Variants in ARAP1 observed in about 807,000 individuals in gnomAD.
ARAP1 encodes ArfGAP with RhoGAP domain, ankyrin repeat and PH domain 1, also known as arf-GAP with Rho-GAP domain, ANK repeat and PH domain-containing protein 1.
ARAP1 carries 76 observed loss-of-function variants against 172.2 expected under a neutral mutation model. That is an observed-to-expected ratio of 0.44 (90% CI 0.37 to 0.53). ARAP1 has a LOEUF of 0.53. Among genes scored for constraint, ARAP1 ranks in the 20% least tolerant of loss-of-function variants. The pLI, the probability that ARAP1 is intolerant of heterozygous loss-of-function variation, is 0.00. For missense variants in ARAP1, 1,686 were observed against 1,977.5 expected, an observed-to-expected ratio of 0.85 and a Z score of 2.80; for synonymous variants, 804 against 803.3, an observed-to-expected ratio of 1.00 and a Z score of -0.01.
chr11:72,722,991 A>C (rs1857574992), intron 3 of ARAP1, among the ~76,000 whole-genome samples: 1 of 152,124 alleles, frequency 6.6e-6, no homozygotes. Flanking sequence ...GCTCCTCAGC[A>C]AGCACCCCAC....
intron 18 of ARAP1, 150 bp downstream of exon 18, chr11:72,698,855 C>A: frequency 1.2e-6 from 1 of 809,326 alleles, no homozygotes; most frequent in Non-Finnish European, 2.1e-6. Flanking sequence ...TTACAGTAGG[C>A]TCTTGGTGGG....
chr11:72,748,534 T>A (rs1266230730), intron 1 of ARAP1, among the ~76,000 whole-genome samples: 10 of 143,168 alleles, frequency 7.0e-5, no homozygotes, highest in South Asian at 2.2e-4. Context: ...AAAAAAAAAA[T>A]GATTTGTTAT....
chr11:72,695,682 C>T lies in ARAP1; in HGVS notation c.3420+36G>A, dbSNP rs1042487904. On this transcript the variant is annotated intron_variant, in intron 24 of 34. Transcript: ENST00000393609. The surrounding 1 kb of genome is among the most constrained non-coding windows in gnomAD (Gnocchi z 4.4). The stretch of plus-strand genomic sequence containing the variant: ...TGGTCACCGTCATCTGCAAGGATCA[C>T]CCCTGCCCTCCACTGCCCACTGGCC... 6.2e-6 allele frequency: 10 copies of T among 1,613,958 alleles called. No individual in the cohort carries two copies. Among genetic ancestry groups the T allele is most frequent in the African/African-American group, 5.3e-5 (4 of 74,942 alleles).
Position 72,702,967 on chromosome 11 carries a change from G to T in ARAP1, c.2105C>A (p.Ala702Asp), listed in dbSNP as rs1446120388. Residue 702 changes from alanine to aspartate, a missense_variant, in exon 15 of 35, where the codon GCT (alanine) becomes GAT (aspartate). Coordinates refer to ENST00000393609, the MANE Select transcript of ARAP1 (RefSeq NM_001040118.3). ...SGDPEAPTPL[A>D]LAEQAGQTLQ... ...CGTCTGCCCCGCCTGCTCTGCAAGA[G>T]CCAGGGGCGTGGGGGCCTCAGGGTC... is the stretch of plus-strand genomic sequence containing the variant. 1 of 1,573,926 alleles carries T rather than the reference G, an allele frequency of 6.4e-7. No individual in the cohort carries two copies. Among genetic ancestry groups the T allele is most frequent in the South Asian group, 1.2e-5 (1 of 86,064 alleles).
At chr11:72,718,242 G>A (rs1340962536) in intron 3 of ARAP1, among the ~76,000 whole-genome samples, 1 of 152,076 alleles carries the variant, frequency 6.6e-6, no homozygotes, top group East Asian at 1.9e-4. Context: ...CACAACATGT[G>A]GGAAAACCCC....
Position 72,693,919 on chromosome 11 carries a change from G to A in ARAP1, c.3695-114C>T. 1 of 781,046 alleles carries A rather than the reference G, an allele frequency of 1.3e-6. No homozygotes were observed. The highest frequency in any genetic ancestry group is 2.0e-6 in the Non-Finnish European group (1 of 496,794). The allele number at this position is 781,046 out of a possible 1,614,324, so 48.4% of individuals were successfully genotyped here. ...CCCTGTCCACTCCAACCATATGCAA[G>A]TGCCACGACACAAAACACCACCATC... On this transcript the variant is annotated intron_variant, in intron 27 of 34. Coordinates refer to ENST00000393609, the MANE Select transcript of ARAP1 (RefSeq NM_001040118.3). The surrounding 1 kb of genome is among the most constrained non-coding windows in gnomAD (Gnocchi z 4.6).
chr11:72,741,683 G>T lies in ARAP1; in HGVS notation c.-127-9086C>A, dbSNP rs1380699827. On this transcript the variant is annotated intron_variant, in intron 1 of 34. Transcript: ENST00000393609. This position sits in a 1 kb window ranked among gnomAD's most constrained non-coding sequence, Gnocchi z 4.5. Reference sequence around the variant, plus strand: ...GAAGAGACAGGGCTGACCGCAGCAGGGTGGGAGTGCACAGGGCTGACCACA... The same window carrying T: ...GAAGAGACAGGGCTGACCGCAGCAGTGTGGGAGTGCACAGGGCTGACCACA... Among the ~76,000 whole-genome samples the T allele has an allele frequency of 2.0e-5, 3 of 152,156 alleles. No homozygotes were observed. The highest frequency in any genetic ancestry group is 6.5e-5 in the Admixed American group (1 of 15,282).
At position 72,695,114 on chromosome 11, in the gene ARAP1, G is replaced by A; in HGVS notation, c.3577-17C>T. On this transcript the variant is annotated splice_polypyrimidine_tract_variant and intron_variant, in intron 26 of 34. Transcript: ENST00000393609. The surrounding 1 kb of genome is among the most constrained non-coding windows in gnomAD (Gnocchi z 4.4). Reference sequence around the variant, plus strand: ...TGCTGGGACCTGCAAGGACCAAGGAGGAGATTAGCCTGCCTGTGCCTAGCC... The same window carrying A: ...TGCTGGGACCTGCAAGGACCAAGGAAGAGATTAGCCTGCCTGTGCCTAGCC... The A allele has an allele frequency of 6.2e-7, 1 of 1,612,316 alleles. No homozygotes were observed.
chr11:72,749,754 C>T (rs949490412), intron 1 of ARAP1, among the ~76,000 whole-genome samples: 61 of 151,946 alleles, frequency 4.0e-4, no homozygotes, highest in African/African-American at 1.1e-3. Flanking sequence ...TGGTGGCGGG[C>T]GCCTGTAGTC....
chr11:72,709,022 G>GCCTAAGACTCTGTCTCAAAA (rs1385470501), intron 11 of ARAP1, among the ~76,000 whole-genome samples: 1 of 143,484 alleles, frequency 7.0e-6, no homozygotes, highest in African/African-American at 2.6e-5. Flanking sequence ...GGGAGACAGA[G>GCCTAAGACTCTGTCTCAAAA]CCTAAGACTC....
chr11:72,707,441 T>C, intron 11 of ARAP1, 67 bp from the exon 12 acceptor site: 1 of 1,446,978 alleles, frequency 6.9e-7, no homozygotes, highest in Non-Finnish European at 9.4e-7. Context: ...AGCATGAGGA[T>C]GCACAGAATG....
In ARAP1 at chr11:72,726,706, C is replaced by T. The variant is rs1857703113; in HGVS notation, c.423G>A (p.Leu141=). The T allele has an allele frequency of 5.2e-6, 8 of 1,545,524 alleles. No individual in the cohort carries two copies. In the East Asian group the frequency reaches 1.9e-4, roughly 38 times the overall value. Residue 141 remains leucine, a synonymous_variant, in exon 3 of 35, where the codon CTG becomes CTA. Coordinates refer to ENST00000393609, the MANE Select transcript of ARAP1 (RefSeq NM_001040118.3). This position sits in a 1 kb window ranked among gnomAD's most constrained non-coding sequence, Gnocchi z 6.5. Reference sequence around the variant, plus strand: ...AATGCCGCTTAGCAGGCAGCGGGGGCAGCACAGGGTCTGGGGCAGCTGTGG... The same window carrying T: ...AATGCCGCTTAGCAGGCAGCGGGGGTAGCACAGGGTCTGGGGCAGCTGTGG... ...TPSTAAPDPV[L]PPLPAKRHLA...
chr11:72,712,531 C>T lies in ARAP1; in HGVS notation c.785G>A (p.Arg262His), dbSNP rs748074025. The change falls in exon 6 of 35, where the codon CGC becomes CAC. Residue 262 changes from arginine to histidine, a missense_variant. Transcript: ENST00000393609. ...PPPSRVPRAV[R>H]VASLLSEGEE... ...TCCCTCGCTCAGCAGACTGGCCACG[C>T]GCACGGCCCGTGGGACTCGGCTCGG... The T allele has an allele frequency of 6.2e-6, 10 of 1,613,494 alleles. No homozygotes were observed. Among genetic ancestry groups the T allele is most frequent in the East Asian group, 2.2e-5 (1 of 44,874 alleles).
intron 3 of ARAP1, chr11:72,722,173 A>AG: frequency 3.1e-6 from 3 of 971,338 alleles, no homozygotes; most frequent in Non-Finnish European, 3.7e-6. Flanking sequence ...GAGAGAGAGA[A>AG]AGACAGAGGG....
At position 72,701,792 on chromosome 11, in the gene ARAP1, G is replaced by A. The variant is rs1856494959; in HGVS notation, c.2168-9C>T. ...GTCCAGCCGAGGCACCTCTTTGTAG[G>A]CGGGGAAAGGATGGCAGGTCATGCT... On this transcript the variant is annotated splice_polypyrimidine_tract_variant and intron_variant, in intron 15 of 34. Coordinates refer to ENST00000393609, the MANE Select transcript of ARAP1 (RefSeq NM_001040118.3). The A allele has an allele frequency of 1.2e-6, 2 of 1,612,610 alleles. No individual in the cohort carries two copies. Among genetic ancestry groups the A allele is most frequent in the Non-Finnish European group, 1.7e-6 (2 of 1,179,150 alleles).
At chr11:72,702,009 G>C (rs1374893040) in intron 15 of ARAP1, among the ~76,000 whole-genome samples, 2 of 152,162 alleles carry the variant, frequency 1.3e-5, no homozygotes, top group East Asian at 1.9e-4. Flanking sequence ...CCCAGTTCCA[G>C]CACCTCCCCT....
chr11:72,742,865 T>C (rs1164898108), intron 1 of ARAP1, among the ~76,000 whole-genome samples: 2 of 152,070 alleles, frequency 1.3e-5, no homozygotes, highest in African/African-American at 2.4e-5. Flanking sequence ...TCCCTCAGAG[T>C]AAAAGCCAAA....
Position 72,695,845 on chromosome 11 carries a change from G to C in ARAP1, c.3293C>G (p.Thr1098Arg). The stretch of plus-strand genomic sequence containing the variant: ...CAGGTTGTGCACGTTCATCTGGTTC[G>C]TGTCTGAGAAGCACTGAACACTGGA... ...HLYCVQCFSD[T>R]NQMNVHNLAI... The change falls in exon 24 of 35, where the codon ACG becomes AGG. Residue 1098 changes from threonine to arginine, a missense_variant. Physicochemically the swap from Thr to Arg is moderately conservative, Grantham distance 71 (BLOSUM62 -1). Coordinates refer to ENST00000393609, the MANE Select transcript of ARAP1 (RefSeq NM_001040118.3). This position sits in a 1 kb window ranked among gnomAD's most constrained non-coding sequence, Gnocchi z 4.4. 1 of 1,613,274 alleles carries C rather than the reference G, an allele frequency of 6.2e-7. No individual in the cohort carries two copies. Among genetic ancestry groups the C allele is most frequent in the Non-Finnish European group, 8.5e-7 (1 of 1,179,512 alleles).
At chr11:72,694,297 A>G (rs1856077905) in intron 27 of ARAP1, among the ~76,000 whole-genome samples, 1 of 151,490 alleles carries the variant, frequency 6.6e-6, no homozygotes, top group Non-Finnish European at 1.5e-5. Flanking sequence ...ATCTTCTTAA[A>G]CTGCCATTCA....
Sources: allele counts gnomAD v4.1 joint callset (sites outside exome capture counted in the v4.1 genomes callset), GRCh38; gene constraint gnomAD v4.1.1; non-coding constraint Gnocchi (gnomAD v3.1); transcripts MANE v1.5; gene names NCBI Gene and HGNC (gene_info 2026-07-23, HGNC 2026-07-21).